The following GLP2R variants were observed in gnomAD, a reference collection of about 807,000 sequenced individuals.
GLP2R encodes glucagon-like peptide 2 receptor.
GLP2R carries 59 observed loss-of-function variants against 68.2 expected under a neutral mutation model. That is an observed-to-expected ratio of 0.87 (90% confidence interval 0.70 to 1.07). The LOEUF is 1.07. Among genes scored for constraint, GLP2R ranks in the 50% least tolerant of loss-of-function variants. The pLI is 0.00. For missense variants in GLP2R, 548 were observed against 677.4 expected (o/e 0.81, Z 2.12); for synonymous variants, 270 against 265.4 (o/e 1.02, Z -0.17).
chr17:9,837,500 GGTT>G (rs1469924870), intron 3 of GLP2R, among the ~76,000 whole-genome samples: 2 of 152,154 alleles, frequency 1.3e-5, no homozygotes, highest in African/African-American at 4.8e-5. Context: ...ACAATTTTTG[GGTT>G]GTTAGATGGG....
intron 8 of GLP2R, among the ~76,000 whole-genome samples, chr17:9,861,736 T>C (rs1169606311): frequency 6.6e-6 from 1 of 152,184 alleles, no homozygotes; most frequent in Non-Finnish European, 1.5e-5. Context: ...AACTACATAA[T>C]TAGGAATTTA....
At chr17:9,872,205 G>A (rs1274878197) in intron 10 of GLP2R, among the ~76,000 whole-genome samples, 3 of 152,212 alleles carry the variant, frequency 2.0e-5, no homozygotes, top group Non-Finnish European at 4.4e-5. Context: ...CCCAGGTGCT[G>A]GGAAGGGAGT....
rs544602281 is a variant in GLP2R, at chr17:9,890,404, C to T, written c.*699C>T. On this transcript the variant is annotated 3_prime_UTR_variant, in exon 13 of 13. Coordinates refer to ENST00000262441, the MANE Select transcript of GLP2R (RefSeq NM_004246.3). ...TGCCACTCCTCTCTGCTCTTCCTCT[C>T]CTATCAAGTCTTGCCTCTCTCTCTC... The T allele has an allele frequency of 4.5e-4, 95 of 212,842 alleles. No individual in the cohort carries two copies. Among genetic ancestry groups the T allele is most frequent in the African/African-American group, 2.2e-3 (93 of 42,866 alleles). The allele number at this position is 212,842 out of a possible 1,614,324, so 13.2% of individuals were successfully genotyped here.
intron 10 of GLP2R, among the ~76,000 whole-genome samples, chr17:9,874,975 C>T (rs190759826): frequency 1.7e-4 from 26 of 152,314 alleles, no homozygotes; most frequent in Admixed American, 1.7e-3. Context: ...CTGAGAACGT[C>T]CTCCCTCTGT....
At chr17:9,864,666 G>T (rs1284602284) in intron 9 of GLP2R, among the ~76,000 whole-genome samples, 1 of 152,056 alleles carries the variant, frequency 6.6e-6, no homozygotes, top group Non-Finnish European at 1.5e-5. Flanking sequence ...GGGACTACAG[G>T]CTTCCACCAC....
At chr17:9,828,688 A>G (rs545515896) in intron 1 of GLP2R, among the ~76,000 whole-genome samples, 1 of 152,110 alleles carries the variant, frequency 6.6e-6, no homozygotes, top group South Asian at 2.1e-4. Context: ...GGGGTGTTTG[A>G]AGCCCTGTGT....
rs1400625872 is a variant in GLP2R at position 9,827,587 on chromosome 17, T to G, written c.189+1335T>G. 5.9e-5 allele frequency among the ~76,000 whole-genome samples: 9 copies of G among 152,292 alleles called. No homozygotes were observed. The East Asian group carries it at 1.7e-3, about 29-fold the overall frequency. On this transcript the variant is annotated intron_variant, in intron 1 of 12. Coordinates refer to ENST00000262441, the MANE Select transcript of GLP2R (RefSeq NM_004246.3). The stretch of plus-strand genomic sequence containing the variant: ...CTTCGTCCTCTTTCCAAGTTTCCAT[T>G]TGGATACTGGGCTATGGGCAGTATA...
At chr17:9,873,727 G>C (rs9908197) in intron 10 of GLP2R, among the ~76,000 whole-genome samples, 2,701 of 152,084 alleles carry the variant, frequency 0.018, 84 homozygotes, top group African/African-American at 0.06. Context: ...CAGTGTGGAG[G>C]ACTGCTGGGC....
chr17:9,863,533 T>C (rs1234611599), intron 9 of GLP2R, among the ~76,000 whole-genome samples: 1 of 152,118 alleles, frequency 6.6e-6, no homozygotes, highest in African/African-American at 2.4e-5. Context: ...ATTTACTGCC[T>C]CCAGCCCCCA....
At position 9,854,502 on chromosome 17, in the gene GLP2R, G is replaced by A. The variant is rs756008097; in HGVS notation, c.512G>A (p.Arg171His). Residue 171 changes from arginine (R) to histidine (H), a missense_variant, in exon 5 of 13, where the codon CGT becomes CAT. Physicochemically the swap from Arg to His is conservative, Grantham distance 29 (BLOSUM62 0). Transcript: ENST00000262441. Reference protein sequence around the residue: ...ENHSFKQNVDRYALLSTLQLM... With the variant: ...ENHSFKQNVDHYALLSTLQLM... ...CTCTTCCTCTGTGTTCAGGTGGATC[G>A]TTATGCCTTGCTGTCAACCTTGCAG... The A allele has an allele frequency of 1.1e-5, 17 of 1,600,428 alleles. No individual in the cohort carries two copies. The highest frequency in any genetic ancestry group is 4.0e-5 in the African/African-American group (3 of 74,628).
chr17:9,843,780 G>A (rs375496744), intron 4 of GLP2R, among the ~76,000 whole-genome samples: 9 of 152,146 alleles, frequency 5.9e-5, no homozygotes, highest in Admixed American at 2.6e-4. Flanking sequence ...AGATATCTAC[G>A]GCCACACCTT....
At chr17:9,870,524 G>A (rs1467871913) in intron 9 of GLP2R, among the ~76,000 whole-genome samples, 2 of 152,128 alleles carry the variant, frequency 1.3e-5, no homozygotes, top group Non-Finnish European at 2.9e-5. Flanking sequence ...ATGACCTTTG[G>A]GACTTTGGAG....
At chr17:9,879,230 G>A (rs1382580832) in intron 10 of GLP2R, among the ~76,000 whole-genome samples, 6 of 144,612 alleles carry the variant, frequency 4.1e-5, no homozygotes, top group East Asian at 2.1e-4. Flanking sequence ...GACCAGCCTG[G>A]GCAACAACAT....
In GLP2R at chr17:9,869,498, G is replaced by A. The variant is rs1189431004; in HGVS notation, c.1057-1249G>A. ...CCACCTGCTTTTCACCACTTCCAGG[G>A]GGCTCTTGATCTCTCCCGAGGCTGC... On this transcript the variant is annotated intron_variant, in intron 9 of 12. Transcript: ENST00000262441. Among the ~76,000 whole-genome samples, 2 of 152,178 alleles carry A rather than the reference G, an allele frequency of 1.3e-5. 1 individual carries two copies. The highest frequency in any genetic ancestry group is 3.9e-4 in the East Asian group (2 of 5,192).
intron 9 of GLP2R, among the ~76,000 whole-genome samples, chr17:9,870,430 T>C (rs1475936299): frequency 6.6e-6 from 1 of 152,202 alleles, no homozygotes; most frequent in African/African-American, 2.4e-5. Flanking sequence ...CCTGCCTTTC[T>C]AGATGGCCTT....
chr17:9,887,787 T>G, intron 11 of GLP2R, 145 bp from the exon 12 acceptor site: 1 of 731,384 alleles, frequency 1.4e-6, no homozygotes. Flanking sequence ...CCAGTATGAC[T>G]AATTCTAGTT....
intron 1 of GLP2R, among the ~76,000 whole-genome samples, chr17:9,831,032 AGTC>A (rs2066675104): frequency 6.6e-6 from 1 of 152,198 alleles, no homozygotes; most frequent in Non-Finnish European, 1.5e-5. Context: ...AAAATTACTG[AGTC>A]AATAAGTTTG....
chr17:9,842,603 G>A lies in GLP2R; in HGVS notation c.491G>A (p.Ser164Asn). 1 of 1,613,846 alleles carries A rather than the reference G, an allele frequency of 6.2e-7. No individual in the cohort carries two copies. The highest frequency in any genetic ancestry group is 8.5e-7 in the Non-Finnish European group (1 of 1,180,010). The change falls in exon 4 of 13, where the codon AGC becomes AAC. Residue 164 changes from serine to asparagine, a missense_variant. By Grantham distance (46) the Ser-to-Asn change is conservative. Coordinates refer to ENST00000262441, the MANE Select transcript of GLP2R (RefSeq NM_004246.3). ...QDDSECSENH[S>N]FKQNVDRYAL... is the part of the protein sequence containing the mutation. The stretch of plus-strand genomic sequence containing the variant: ...GACTCCGAATGCTCCGAGAACCACA[G>A]CTTCAAGCAAAACGTGAGTTTGCTC...
At chr17:9,883,145 C>G (rs1292732994) in intron 11 of GLP2R, among the ~76,000 whole-genome samples, 1 of 152,068 alleles carries the variant, frequency 6.6e-6, no homozygotes, top group Non-Finnish European at 1.5e-5. Context: ...ATTCAATTAT[C>G]TCAATTCAAT....
Sources: gnomAD v4.1 joint callset for allele counts (sites outside exome capture counted in the v4.1 genomes callset) on GRCh38, gnomAD v4.1.1 for gene constraint, MANE v1.5 for transcripts, NCBI Gene and HGNC (gene_info 2026-07-23, HGNC 2026-07-21) for gene names.